ITPKB: variants seen among roughly 807,000 people sequenced by gnomAD.
The protein encoded by ITPKB is IP3 3-kinase B.
ITPKB carries 13 observed loss-of-function variants against 69.4 expected under a neutral mutation model. The observed-to-expected ratio is 0.19, with a 90% confidence interval of 0.12 to 0.30. The LOEUF (loss-of-function observed/expected upper bound fraction) is 0.30. ITPKB is among the 10% of genes least tolerant of loss of function. The probability of loss-of-function intolerance (pLI) is 1.00; values close to 1 mark genes in which losing one functional copy is unlikely to be tolerated. For synonymous variants in ITPKB, 584 were observed against 513.7 expected (o/e 1.14, Z -1.85); for missense variants, 1,240 against 1,250.5 (o/e 0.99, Z 0.13).
rs1571882607 is a variant in ITPKB, at chr1:226,735,635, G to A, written c.1824C>T (p.Phe608=). ...CCTCTGAGTCTTCGTAGGATGAGGA[G>A]AAGCCCGTGGAGGAGGCCGAGGAAG... The part of the protein sequence containing the change: ...LSSSSASSTG[F]SSSYEDSEED... Residue 608 remains phenylalanine, a synonymous_variant, in exon 2 of 8, where the codon TTC becomes TTT. Transcript: ENST00000429204. 6.2e-7 allele frequency: 1 copy of A among 1,611,820 alleles called. No individual in the cohort carries two copies. Among genetic ancestry groups the A allele is most frequent in the African/African-American group, 1.3e-5 (1 of 74,946 alleles).
chr1:226,678,039 G>C (rs778551964), intron 2 of ITPKB, among the ~76,000 whole-genome samples: 2 of 152,008 alleles, frequency 1.3e-5, no homozygotes, highest in Non-Finnish European at 2.9e-5. Context: ...ACCATGAAAC[G>C]AAGGAATTAA....
At chr1:226,695,313 A>G (rs1363482503) in intron 2 of ITPKB, among the ~76,000 whole-genome samples, 1 of 152,202 alleles carries the variant, frequency 6.6e-6, no homozygotes, top group African/African-American at 2.4e-5. Context: ...AAGAGTCAAA[A>G]TTATCTTGAT....
intron 2 of ITPKB, among the ~76,000 whole-genome samples, chr1:226,703,440 GCAGGGCCTGCTCTA>G (rs1656716857): frequency 6.6e-6 from 1 of 152,230 alleles, no homozygotes; most frequent in East Asian, 1.9e-4. Flanking sequence ...GGGCGGTGAA[GCAGGGCCTGCTCTA>G]CAGGGGGCTT....
chr1:226,689,423 C>T (rs766159228), intron 2 of ITPKB, among the ~76,000 whole-genome samples: 2 of 152,180 alleles, frequency 1.3e-5, no homozygotes, highest in African/African-American at 4.8e-5. Context: ...GCCGCTGCTG[C>T]GGGCCAGGTA....
At chr1:226,653,498 CCCAGATACATCCCT>C (rs1669233984) in intron 2 of ITPKB, among the ~76,000 whole-genome samples, 1 of 152,200 alleles carries the variant, frequency 6.6e-6, no homozygotes, top group Admixed American at 6.5e-5. Flanking sequence ...CCACCGAAAC[CCCAGATACATCCCT>C]CCCTGGGGCT....
rs2102655954 is a variant in ITPKB, at chr1:226,737,428, G to A, written c.31C>T (p.Leu11=). 2 of 1,611,446 alleles carry A rather than the reference G, an allele frequency of 1.2e-6. No individual in the cohort carries two copies. The highest frequency in any genetic ancestry group is 1.3e-5 in the African/African-American group (1 of 74,952). Reference sequence around the variant, plus strand: ...TCGTTGGCGCTATTCATGATCACCAGGCTATTGAGCGCATAGCAGTACACA... The same window carrying A: ...TCGTTGGCGCTATTCATGATCACCAAGCTATTGAGCGCATAGCAGTACACA... MAVYCYALNS[L]VIMNSANEMK... Residue 11 remains leucine (L), a synonymous_variant, in exon 2 of 8, where the codon CTG becomes TTG. Coordinates refer to ENST00000429204, the MANE Select transcript of ITPKB (RefSeq NM_002221.4).
Position 226,737,136 on chromosome 1 carries a change from C to T in ITPKB, c.323G>A (p.Gly108Glu), listed in dbSNP as rs983062846. 3.1e-6 allele frequency: 5 copies of T among 1,601,698 alleles called. No individual in the cohort carries two copies. Among genetic ancestry groups the T allele is most frequent in the Non-Finnish European group, 4.2e-6 (5 of 1,179,608 alleles). ...GGCTGCCACCACCTGCTGCCGGTCC[C>T]CTCGCAGGCGACCAGCCCAACTTGG... ...SSPSWAGRLR[G>E]DRQQVVAAGT... Residue 108 changes from glycine to glutamate, a missense_variant, in exon 2 of 8, where the codon GGG becomes GAG. Around this residue, in one of 2 missense-constraint regions of ITPKB, gnomAD observed 992 missense variants for 853.8 expected, o/e 1.16. Coordinates refer to ENST00000429204, the MANE Select transcript of ITPKB (RefSeq NM_002221.4).
At chr1:226,734,388 G>C (rs1401933640) in intron 2 of ITPKB, among the ~76,000 whole-genome samples, 2 of 152,238 alleles carry the variant, frequency 1.3e-5, no homozygotes, top group African/African-American at 4.8e-5. Flanking sequence ...CCTTAGTGAA[G>C]AATGCAGAGT....
intron 2 of ITPKB, among the ~76,000 whole-genome samples, chr1:226,684,472 T>C (rs1339126231): frequency 1.3e-5 from 2 of 152,152 alleles, no homozygotes; most frequent in African/African-American, 4.8e-5. Context: ...CAGAGCAGGA[T>C]AGAGCAACAC....
intron 2 of ITPKB, among the ~76,000 whole-genome samples, chr1:226,677,644 T>C: frequency 6.6e-6 from 1 of 152,156 alleles, no homozygotes; most frequent in East Asian, 1.9e-4. Flanking sequence ...CTCTGGGCTG[T>C]GCCAGAGGCT....
At chr1:226,657,891 G>C (rs1201120744) in intron 2 of ITPKB, among the ~76,000 whole-genome samples, 2 of 152,142 alleles carry the variant, frequency 1.3e-5, no homozygotes, top group East Asian at 1.9e-4. Context: ...TAAACAGCAA[G>C]GGCTTTGTCA....
chr1:226,655,581 G>A (rs1322655432), intron 2 of ITPKB, among the ~76,000 whole-genome samples: 2 of 152,222 alleles, frequency 1.3e-5, no homozygotes, highest in Non-Finnish European at 2.9e-5. Context: ...TCAGCCTTCT[G>A]CATGTTGTTC....
chr1:226,651,863 A>T (rs1241252223), intron 2 of ITPKB, among the ~76,000 whole-genome samples: 1 of 152,158 alleles, frequency 6.6e-6, no homozygotes, highest in African/African-American at 2.4e-5. Context: ...TGACCAAACC[A>T]GGCACCTTTA....
At chr1:226,682,233 A>C (rs1458963905) in intron 2 of ITPKB, among the ~76,000 whole-genome samples, 1 of 152,162 alleles carries the variant, frequency 6.6e-6, no homozygotes, top group Non-Finnish European at 1.5e-5. Context: ...TTATTTGTTA[A>C]GCTCCCACAT....
rs1326432183 is a variant in ITPKB at position 226,633,865 on chromosome 1, TC to T, written c.*805del. 6.6e-6 allele frequency: 1 copy of T among 152,200 alleles called. No individual in the cohort carries two copies. Among genetic ancestry groups the T allele is most frequent in the Non-Finnish European group, 1.5e-5 (1 of 68,028 alleles). The allele number at this position is 152,200 out of a possible 1,614,324, so 9.4% of individuals were successfully genotyped here. ...CCCAGAGACTCTATAGATCCCATCTTCCCCTGGTAGCACCCTTGGAGCTCAG... is the reference window on the plus strand; with the variant it reads ...CCCAGAGACTCTATAGATCCCATCTTCCCTGGTAGCACCCTTGGAGCTCAG... On this transcript the variant is annotated 3_prime_UTR_variant, in exon 8 of 8. Transcript: ENST00000429204.
intron 2 of ITPKB, among the ~76,000 whole-genome samples, chr1:226,670,721 G>A (rs971282611): frequency 3.3e-5 from 5 of 152,148 alleles, no homozygotes; most frequent in Non-Finnish European, 5.9e-5. Context: ...TTTGATCAAC[G>A]ATTTAACCCT....
chr1:226,635,481 C>G (rs1027782947), intron 7 of ITPKB, among the ~76,000 whole-genome samples: 3 of 152,190 alleles, frequency 2.0e-5, no homozygotes, highest in African/African-American at 7.2e-5. Context: ...CTGCCTTGGC[C>G]TCGGAAAGTG....
chr1:226,723,744 C>A (rs1657315046), intron 2 of ITPKB, among the ~76,000 whole-genome samples: 1 of 152,098 alleles, frequency 6.6e-6, no homozygotes, highest in Non-Finnish European at 1.5e-5. Flanking sequence ...TGACCTCAGC[C>A]AGTTTCCACC....
intron 2 of ITPKB, among the ~76,000 whole-genome samples, chr1:226,667,315 G>A (rs1669521192): frequency 6.6e-6 from 1 of 152,148 alleles, no homozygotes; most frequent in Non-Finnish European, 1.5e-5. Context: ...ATAAATATAG[G>A]CTAACATAAA....
Sources: allele counts gnomAD v4.1 joint callset (sites outside exome capture counted in the v4.1 genomes callset), GRCh38; gene constraint gnomAD v4.1.1; regional missense constraint gnomAD v4.1.1; transcripts MANE v1.5; gene names NCBI Gene and HGNC (gene_info 2026-07-23, HGNC 2026-07-21).